Variants in HOXC5 observed in about 807,000 individuals in gnomAD.
The protein encoded by HOXC5 is homeobox protein Hox-C5.
HOXC5 carries 19 observed loss-of-function variants against 20.1 expected under a neutral mutation model. The ratio of observed to expected loss-of-function variants is 0.94; its 90% confidence interval spans 0.66 to 1.38. HOXC5 has a LOEUF of 1.38. Among genes scored for constraint, HOXC5 ranks in the 40% most tolerant of loss-of-function variants. The pLI is 0.00. For synonymous variants in HOXC5, 124 were observed against 117.0 expected (o/e 1.06, Z -0.39); for missense variants, 330 against 300.1 (o/e 1.10, Z -0.74).
At chr12:54,022,943 C>T in the HOXC5 span, among the ~76,000 whole-genome samples, 1 of 152,208 alleles carries the variant, frequency 6.6e-6, no homozygotes, top group African/African-American at 2.4e-5. Context: ...ATTGCGGCTT[C>T]TTCCTCATGT....
chr12:54,033,155 G>C lies in HOXC5; in HGVS notation c.33G>C (p.Lys11Asn), dbSNP rs35606176. The part of the protein sequence containing the change: MSSYVANSFY[K>N]QSPNIPAYNM... ...CCTACGTAGCCAATTCATTCTATAA[G>C]CAGAGCCCCAATATCCCTGCCTATA... The change falls in exon 1 of 2, where the codon AAG becomes AAC. Residue 11 changes from lysine (K) to asparagine (N), a missense_variant. Transcript: ENST00000312492. The C allele has an allele frequency of 1.7e-3, 2,681 of 1,613,672 alleles. 33 individuals are homozygous for C. In the African/African-American group the frequency reaches 0.032, roughly 19 times the overall value.
At chr12:54,034,116 GGGGCT>G (rs1165228816) in intron 1 of HOXC5, 157 bp from the exon 2 acceptor site, 22 of 745,938 alleles carry the variant, frequency 2.9e-5, no homozygotes, top group Non-Finnish European at 4.9e-5. Flanking sequence ...CGCCTCTCCC[GGGGCT>G]GGGCTGGGCT....
chr12:54,030,534 A>G (rs1239954063), upstream of HOXC5: 1 of 152,678 alleles, frequency 6.5e-6, no homozygotes. Flanking sequence ...GGGGGTCATT[A>G]TGGCATTTTA....
the HOXC5 span, among the ~76,000 whole-genome samples, chr12:54,018,392 GC>G: frequency 6.6e-6 from 1 of 152,212 alleles, no homozygotes; most frequent in Non-Finnish European, 1.5e-5. Context: ...GCGGGGACAG[GC>G]CCAGTCCTCC....
the HOXC5 span, among the ~76,000 whole-genome samples, chr12:54,019,539 C>A: frequency 2.6e-5 from 4 of 152,124 alleles, no homozygotes; most frequent in Non-Finnish European, 4.4e-5. Context: ...GCATTTTGTC[C>A]GCCCCCGCCC....
At chr12:54,030,286 G>T (rs909739544), upstream of HOXC5, 6 of 186,392 alleles carry the variant, frequency 3.2e-5, no homozygotes, top group African/African-American at 4.7e-5. Context: ...TGAGGACTTG[G>T]CTCCCCCACT....
Position 54,033,176 on chromosome 12 carries a change from C to G in HOXC5, c.54C>G (p.Ala18=). 1 of 1,614,242 alleles carries G rather than the reference C, an allele frequency of 6.2e-7. No homozygotes were observed. The highest frequency in any genetic ancestry group is 1.1e-5 in the South Asian group (1 of 91,084). ...ATAAGCAGAGCCCCAATATCCCTGC[C>G]TATAACATGCAAACTTGTGGGAACT... is the stretch of plus-strand genomic sequence containing the variant. ...SFYKQSPNIP[A]YNMQTCGNYG... is the part of the protein sequence containing the mutation. Residue 18 remains alanine, a synonymous_variant, in exon 1 of 2, where the codon GCC becomes GCG. Coordinates refer to ENST00000312492, the MANE Select transcript of HOXC5 (RefSeq NM_018953.4).
Position 54,034,364 on chromosome 12 carries a change from A to G in HOXC5, c.541A>G (p.Thr181Ala). 3 of 1,614,038 alleles carry G rather than the reference A, an allele frequency of 1.9e-6. No individual in the cohort carries two copies. The South Asian group carries it at 3.3e-5, about 18-fold the overall frequency. Residue 181 changes from threonine to alanine, a missense_variant, in exon 2 of 2, where the codon ACT becomes GCT. Transcript: ENST00000312492. ...EKEFHFNRYL[T>A]RRRRIEIANN... ...AGAATTCCACTTTAACCGCTACCTCACTCGCCGCAGGCGCATAGAGATCGC... is the reference window on the plus strand; with the variant it reads ...AGAATTCCACTTTAACCGCTACCTCGCTCGCCGCAGGCGCATAGAGATCGC...
chr12:54,028,590 C>T (rs201443964), upstream of HOXC5: 45 of 1,614,142 alleles, frequency 2.8e-5, no homozygotes, highest in East Asian at 9.6e-4. Flanking sequence ...TCCTCCCCAA[C>T]GTCGCCCTCA....
chr12:54,023,875 T>C, the HOXC5 span, among the ~76,000 whole-genome samples: 34 of 152,278 alleles, frequency 2.2e-4, no homozygotes, highest in Middle Eastern at 3.4e-3. Context: ...TGCTTTGGTG[T>C]TCCCAAACAG....
chr12:54,025,527 T>TGGG, the HOXC5 span, among the ~76,000 whole-genome samples: 2 of 12,694 alleles, frequency 1.6e-4, no homozygotes, highest in South Asian at 5.4e-3. Context: ...GAAAGGTAAT[T>TGGG]GGGGGGGGGG....
At chr12:54,028,765 G>C (rs201594434), upstream of HOXC5, 289 of 1,614,020 alleles carry the variant, frequency 1.8e-4, no homozygotes, top group Non-Finnish European at 2.4e-4. Context: ...CCAGGAGAAA[G>C]ACATGCTCTC....
chr12:54,027,912 T>A, the HOXC5 span, among the ~76,000 whole-genome samples: 80 of 152,228 alleles, frequency 5.3e-4, no homozygotes, highest in African/African-American at 1.0e-3. Flanking sequence ...GATTTTTTTT[T>A]AATTATTGGT....
chr12:54,019,339 G>C, the HOXC5 span, among the ~76,000 whole-genome samples: 6 of 152,176 alleles, frequency 3.9e-5, no homozygotes, highest in African/African-American at 4.8e-5. Context: ...GCTCAGGCAC[G>C]GCCCAGTGGC....
At chr12:54,026,858 T>C in the HOXC5 span, among the ~76,000 whole-genome samples, 1 of 152,142 alleles carries the variant, frequency 6.6e-6, no homozygotes, top group African/African-American at 2.4e-5. Context: ...TTGCTACCCA[T>C]TGATTACTCC....
the HOXC5 span, among the ~76,000 whole-genome samples, chr12:54,025,537 GGA>G: frequency 0.35 from 18,703 of 52,842 alleles, 1,628 homozygotes; most frequent in East Asian, 0.43. Context: ...TGGGGGGGGG[GGA>G]GGTGTTGAAA....
Position 54,034,536 on chromosome 12 carries a change from T to C in HOXC5, c.*44T>C. The C allele has an allele frequency of 6.6e-7, 1 of 1,507,678 alleles. No homozygotes were observed. The highest frequency in any genetic ancestry group is 9.2e-7 in the Non-Finnish European group (1 of 1,087,566). 93.4% of individuals were successfully genotyped at this position (1,507,678 alleles called of 1,614,324 possible). A position where few individuals can be genotyped will look rare whatever the true frequency, so the allele number is the denominator to read the frequency against. ...GCAGAGCGCGCCCCTAGCCGGTTCC[T>C]GTCCCTGCGCCTTTCCTTTTCGCCT... On this transcript the variant is annotated 3_prime_UTR_variant, in exon 2 of 2. Transcript: ENST00000312492.
At chr12:54,030,125 C>T (rs1940926813), upstream of HOXC5, 1 of 633,314 alleles carries the variant, frequency 1.6e-6, no homozygotes, top group Non-Finnish European at 2.7e-6. Flanking sequence ...GCTCTGGACC[C>T]CCTCCCTCAC....
At position 54,034,527 on chromosome 12, in the gene HOXC5, G is replaced by C. The variant is rs1941128894; in HGVS notation, c.*35G>C. On this transcript the variant is annotated 3_prime_UTR_variant, in exon 2 of 2. Transcript: ENST00000312492. ...GGGAGGCCCGCAGAGCGCGCCCCTA[G>C]CCGGTTCCTGTCCCTGCGCCTTTCC... The C allele has an allele frequency of 1.3e-6, 2 of 1,553,450 alleles. No individual in the cohort carries two copies. Among genetic ancestry groups the C allele is most frequent in the South Asian group, 1.1e-5 (1 of 89,554 alleles).
Sources: gnomAD v4.1 joint callset for allele counts (sites outside exome capture counted in the v4.1 genomes callset) on GRCh38, gnomAD v4.1.1 for gene constraint, MANE v1.5 for transcripts, NCBI Gene and HGNC (gene_info 2026-07-23, HGNC 2026-07-21) for gene names.